PAPPA: variants seen among roughly 807,000 people sequenced by gnomAD.
PAPPA encodes pappalysin-1.
PAPPA carries 60 observed loss-of-function variants against 164.0 expected under a neutral mutation model. That is an observed-to-expected ratio of 0.37 (90% CI 0.30 to 0.45). The LOEUF is 0.45. Ranked by LOEUF, PAPPA falls within the 20% of genes least tolerant of loss-of-function variation. PAPPA has a pLI of 1.00. For missense variants in PAPPA, 1,782 were observed against 2,087.3 expected, an observed-to-expected ratio of 0.85 and a Z score of 2.85; for synonymous variants, 875 against 814.1, an observed-to-expected ratio of 1.07 and a Z score of -1.27.
chr9:116,312,557 G>C (rs1354010966), intron 10 of PAPPA, among the ~76,000 whole-genome samples: 1 of 152,092 alleles, frequency 6.6e-6, no homozygotes, highest in African/African-American at 2.4e-5. Flanking sequence ...TCTCAAGCCA[G>C]ACCCAAAGGA....
chr9:116,187,991 A>G lies in PAPPA; in HGVS notation c.1253A>G (p.Lys418Arg), dbSNP rs1333819834. The G allele has an allele frequency of 6.2e-7, 1 of 1,614,036 alleles. No homozygotes were observed. The highest frequency in any genetic ancestry group is 1.3e-5 in the African/African-American group (1 of 74,940). Reference protein sequence around the residue: ...RLILANCDISKIGDENCDPEC... With the variant: ...RLILANCDISRIGDENCDPEC... ...ATCCTGGCCAACTGTGACATCAGCA[A>G]GATTGGGGATGAGAACTGTGACCCC... The change falls in exon 2 of 22, where the codon AAG (lysine) becomes AGG (arginine). Residue 418 changes from lysine to arginine, a missense_variant. Transcript: ENST00000328252. This position sits in a 1 kb window ranked among gnomAD's most constrained non-coding sequence, Gnocchi z 4.2.
At chr9:116,245,162 G>T (rs981791634) in intron 7 of PAPPA, among the ~76,000 whole-genome samples, 6 of 151,698 alleles carry the variant, frequency 4.0e-5, no homozygotes, top group African/African-American at 1.5e-4. Flanking sequence ...TCAGAAGGGT[G>T]GGGGAATGGA....
chr9:116,169,213 C>T (rs1161398017), intron 1 of PAPPA, among the ~76,000 whole-genome samples: 1 of 151,462 alleles, frequency 6.6e-6, no homozygotes, highest in African/African-American at 2.4e-5. Flanking sequence ...CTTTCCCTAT[C>T]TCTCTTCCTC....
rs555293645 is a variant in PAPPA, at chr9:116,200,129, A to G, written c.1479-7327A>G. On this transcript the variant is annotated intron_variant, in intron 2 of 21. Coordinates refer to ENST00000328252, the MANE Select transcript of PAPPA (RefSeq NM_002581.5). ...AGCCATTGCTGTCCCCTCCAGCTTC[A>G]TCTTCCTCAACCTTGCAAGTGAGGG... Among the ~76,000 whole-genome samples the G allele has an allele frequency of 1.0e-3, 155 of 152,170 alleles. 1 individual carries two copies. The highest frequency in any genetic ancestry group is 1.6e-3 in the Non-Finnish European group (111 of 67,994).
chr9:116,178,831 C>G (rs546017339), intron 1 of PAPPA, among the ~76,000 whole-genome samples: 1 of 152,300 alleles, frequency 6.6e-6, no homozygotes, highest in African/African-American at 2.4e-5. Flanking sequence ...AATGGCAAAG[C>G]CAGCATTCGA....
chr9:116,248,795 A>T (rs777875796), intron 7 of PAPPA, among the ~76,000 whole-genome samples: 3 of 152,246 alleles, frequency 2.0e-5, no homozygotes, highest in Non-Finnish European at 4.4e-5. Flanking sequence ...AAATGCATGC[A>T]TGCATGAATA....
chr9:116,317,629 A>G (rs1281488941), intron 10 of PAPPA, among the ~76,000 whole-genome samples: 1 of 152,196 alleles, frequency 6.6e-6, no homozygotes, highest in Non-Finnish European at 1.5e-5. Context: ...TTTTAGGATT[A>G]TGGTGTTTTC....
At chr9:116,299,878 T>A (rs1378037454) in intron 9 of PAPPA, among the ~76,000 whole-genome samples, 1 of 13,820 alleles carries the variant, frequency 7.2e-5, no homozygotes, top group African/African-American at 8.9e-5. Context: ...ATTACCTCCA[T>A]TTTTTTTTTT....
chr9:116,396,597 G>A lies in PAPPA; in HGVS notation c.4865G>A (p.Arg1622Gln), dbSNP rs1344109332. 21 of 780,654 alleles carry A rather than the reference G, an allele frequency of 2.7e-5. No homozygotes were observed. Among genetic ancestry groups the A allele is most frequent in the East Asian group, 1.2e-4 (5 of 41,250 alleles). The allele number at this position is 780,654 out of a possible 1,614,324, so 48.4% of individuals were successfully genotyped here. A position where few individuals can be genotyped will look rare whatever the true frequency, so the allele number is the denominator to read the frequency against. ...CAAGAACACAGCCGGAAAGACCTCC[G>A]GGGATACAGCCATGGCTAAGGAAGG... is the stretch of plus-strand genomic sequence containing the variant. Reference protein sequence around the residue: ...QAQEHSRKDLRGYSHG With the variant: ...QAQEHSRKDLQGYSHG Residue 1622 changes from arginine (R) to glutamine (Q), a missense_variant, in exon 22 of 22, where the codon CGG becomes CAG. Around this residue, in one of 2 missense-constraint regions of PAPPA, gnomAD observed 1,324 missense variants for 1,656.9 expected, o/e 0.80. Transcript: ENST00000328252.
chr9:116,181,413 C>A (rs557649823), intron 1 of PAPPA, among the ~76,000 whole-genome samples: 2 of 152,152 alleles, frequency 1.3e-5, no homozygotes, highest in South Asian at 2.1e-4. Context: ...TTCACATAGT[C>A]TTTTCTCTGT....
chr9:116,335,327 T>C (rs796944719), intron 13 of PAPPA, among the ~76,000 whole-genome samples: 2 of 152,000 alleles, frequency 1.3e-5, no homozygotes, highest in Admixed American at 6.5e-5. Flanking sequence ...GAATTGACAA[T>C]AGCTTGCAGG....
intron 7 of PAPPA, among the ~76,000 whole-genome samples, chr9:116,238,912 A>G (rs1844704939): frequency 6.6e-6 from 1 of 152,164 alleles, no homozygotes; most frequent in Non-Finnish European, 1.5e-5. Flanking sequence ...CTTTGTGTGT[A>G]TATGTGTGTG....
At position 116,154,868 on chromosome 9, in the gene PAPPA, G is replaced by C. The variant is rs1339064677; in HGVS notation, c.415+281G>C. 6.6e-6 allele frequency among the ~76,000 whole-genome samples: 1 copy of C among 152,200 alleles called. No individual in the cohort carries two copies. The highest frequency in any genetic ancestry group is 6.5e-5 in the Admixed American group (1 of 15,292). ...CCTCGGCCAGTGAGGGCTGGTTCCCGGAGCCTAGGGCACGTAACCCGTGCT... is the reference window on the plus strand; with the variant it reads ...CCTCGGCCAGTGAGGGCTGGTTCCCCGAGCCTAGGGCACGTAACCCGTGCT... On this transcript the variant is annotated intron_variant, in intron 1 of 21. Coordinates refer to ENST00000328252, the MANE Select transcript of PAPPA (RefSeq NM_002581.5). This position sits in a 1 kb window ranked among gnomAD's most constrained non-coding sequence, Gnocchi z 5.2.
chr9:116,353,176 T>G (rs1167861913), intron 16 of PAPPA, among the ~76,000 whole-genome samples: 1 of 152,250 alleles, frequency 6.6e-6, no homozygotes, highest in African/African-American at 2.4e-5. Context: ...CTTCATTTTT[T>G]TTTTAAGCCA....
intron 9 of PAPPA, among the ~76,000 whole-genome samples, chr9:116,288,325 C>T (rs1390940832): frequency 2.0e-5 from 3 of 151,906 alleles, no homozygotes; most frequent in African/African-American, 4.8e-5. Flanking sequence ...GCCAAGATTG[C>T]GCCACCGCAC....
chr9:116,155,754 T>C (rs1843594306), intron 1 of PAPPA, among the ~76,000 whole-genome samples: 1 of 152,124 alleles, frequency 6.6e-6, no homozygotes, highest in Non-Finnish European at 1.5e-5. Flanking sequence ...ACTATCCAGT[T>C]GACATGAAGA....
intron 7 of PAPPA, among the ~76,000 whole-genome samples, chr9:116,261,492 A>G (rs527362177): frequency 2.0e-5 from 3 of 152,294 alleles, no homozygotes; most frequent in African/African-American, 7.2e-5. Flanking sequence ...CATCCTAATT[A>G]AAAGACAGAA....
At chr9:116,309,971 G>A (rs536375137) in intron 10 of PAPPA, among the ~76,000 whole-genome samples, 6 of 152,264 alleles carry the variant, frequency 3.9e-5, no homozygotes, top group Non-Finnish European at 5.9e-5. Flanking sequence ...AAGAAACTGA[G>A]TCTCAGGGAG....
intron 8 of PAPPA, among the ~76,000 whole-genome samples, chr9:116,269,508 A>G (rs949781406): frequency 2.6e-5 from 4 of 152,248 alleles, no homozygotes; most frequent in Non-Finnish European, 5.9e-5. Flanking sequence ...TAACAGGCAA[A>G]GGCAGTCAGT....
Sources: allele counts gnomAD v4.1 joint callset (sites outside exome capture counted in the v4.1 genomes callset), GRCh38; gene constraint gnomAD v4.1.1; regional missense constraint gnomAD v4.1.1; non-coding constraint Gnocchi (gnomAD v3.1); transcripts MANE v1.5; gene names NCBI Gene and HGNC (gene_info 2026-07-23, HGNC 2026-07-21).